Variants in RUSC2 observed in about 807,000 individuals in gnomAD.
RUSC2 encodes the protein AP-4 complex accessory subunit RUSC2.
A neutral mutation model predicts 122.2 loss-of-function variants in RUSC2; 34 were observed. That is an observed-to-expected ratio of 0.28 (90% CI 0.21 to 0.37). The LOEUF is 0.37. RUSC2 is among the 10% of genes least tolerant of loss of function. The pLI is 1.00. For missense variants in RUSC2, 1,747 were observed against 1,952.4 expected, an observed-to-expected ratio of 0.89 and a Z score of 1.98; for synonymous variants, 784 against 790.0, an observed-to-expected ratio of 0.99 and a Z score of 0.13.
Position 35,560,017 on chromosome 9 carries a change from C to CTA in RUSC2, c.3389-11_3389-10insAT. 1 of 1,575,410 alleles carries CTA rather than the reference C, an allele frequency of 6.3e-7. No homozygotes were observed. Among genetic ancestry groups the CTA allele is most frequent in the Middle Eastern group, 1.7e-4 (1 of 5,892 alleles). The stretch of plus-strand genomic sequence containing the variant: ...TCTCTGTGTGGATCAGTCCCTCTCT[C>CTA]TTTTCCCCTAGACATCATCCAGACC... On this transcript the variant is annotated splice_polypyrimidine_tract_variant and intron_variant, in intron 9 of 11. Coordinates refer to ENST00000361226, the MANE Select transcript of RUSC2 (RefSeq NM_014806.5).
intron 1 of RUSC2, among the ~76,000 whole-genome samples, chr9:35,500,146 A>ACTTTATTAGTCTGTTTTTATG (rs1554723555): frequency 2.0e-5 from 3 of 151,758 alleles, no homozygotes; most frequent in Non-Finnish European, 4.4e-5. Flanking sequence ...TTTCTGCCTT[A>ACTTTATTAGTCTGTTTTTATG]CTGTATTAGT....
At position 35,555,403 on chromosome 9, in the gene RUSC2, T is replaced by G; in HGVS notation, c.2358T>G (p.Val786=). Residue 786 remains valine, a synonymous_variant, in exon 3 of 12, where the codon GTT becomes GTG. Coordinates refer to ENST00000361226, the MANE Select transcript of RUSC2 (RefSeq NM_014806.5). The surrounding 1 kb of genome is among the most constrained non-coding windows in gnomAD (Gnocchi z 4.6). ...PLGSYSPIRS[V]GPFGPSTDSS... ...GCAGCTACTCCCCCATCCGGAGTGT[T>G]GGCCCCTTTGGGCCCAGCACTGACT... The G allele has an allele frequency of 6.2e-7, 1 of 1,614,208 alleles. No individual in the cohort carries two copies. Among genetic ancestry groups the G allele is most frequent in the Non-Finnish European group, 8.5e-7 (1 of 1,180,026 alleles).
At chr9:35,536,206 T>A (rs904262806) in intron 1 of RUSC2, among the ~76,000 whole-genome samples, 4 of 152,226 alleles carry the variant, frequency 2.6e-5, no homozygotes, top group Non-Finnish European at 4.4e-5. Flanking sequence ...TTTTTTGTAA[T>A]GATCCTACTT....
chr9:35,490,366 C>T lies in RUSC2; in HGVS notation c.-93+194C>T, dbSNP rs901981438. 5.3e-5 allele frequency among the ~76,000 whole-genome samples: 8 copies of T among 152,116 alleles called. No homozygotes were observed. The South Asian group carries it at 1.7e-3, about 32-fold the overall frequency. On this transcript the variant is annotated intron_variant, in intron 1 of 11. Coordinates refer to ENST00000361226, the MANE Select transcript of RUSC2 (RefSeq NM_014806.5). ...CCCTGGGCAGACCTCGTCCCCAGCCCTTCTGACCCTTGGCCTTCTCCTGAC... is the reference window on the plus strand; with the variant it reads ...CCCTGGGCAGACCTCGTCCCCAGCCTTTCTGACCCTTGGCCTTCTCCTGAC...
intron 1 of RUSC2, among the ~76,000 whole-genome samples, chr9:35,543,287 G>A (rs532166400): frequency 7.2e-5 from 11 of 152,178 alleles, no homozygotes; most frequent in Admixed American, 2.0e-4. Context: ...TTAGCCAGGC[G>A]TGGTGGCACA....
Position 35,555,298 on chromosome 9 carries a change from G to A in RUSC2, c.2253G>A (p.Gln751=). The A allele has an allele frequency of 1.2e-6, 2 of 1,613,866 alleles. No individual in the cohort carries two copies. The highest frequency in any genetic ancestry group is 2.2e-5 in the South Asian group (2 of 91,080). The change falls in exon 3 of 12, where the codon CAG becomes CAA. Residue 751 remains glutamine (Q), a synonymous_variant. Coordinates refer to ENST00000361226, the MANE Select transcript of RUSC2 (RefSeq NM_014806.5). This position sits in a 1 kb window ranked among gnomAD's most constrained non-coding sequence, Gnocchi z 4.6. ...TCCCAGCTCCCTCAGGGGAACCGCAGGCATCCACTCCCCGAGCCACTGGCA... is the reference window on the plus strand; with the variant it reads ...TCCCAGCTCCCTCAGGGGAACCGCAAGCATCCACTCCCCGAGCCACTGGCA... ...VSVPAPSGEP[Q]ASTPRATGRG... is the part of the protein sequence containing the mutation.
In RUSC2 at chr9:35,556,110, G is replaced by A. The variant is rs1449042052; in HGVS notation, c.2815G>A (p.Ala939Thr). The change falls in exon 4 of 12, where the codon GCC becomes ACC. Residue 939 changes from alanine to threonine, a missense_variant. By Grantham distance (58) the Ala-to-Thr change is moderately conservative. Coordinates refer to ENST00000361226, the MANE Select transcript of RUSC2 (RefSeq NM_014806.5). ...IFEFPGSLSA[A>T]SHLNCRLNGQ... ...TGAGTTCCCTGGCTCCCTCAGTGCT[G>A]CCAGCCATCTGAACTGCCGGCTGAA... The A allele has an allele frequency of 6.2e-7, 1 of 1,614,186 alleles. No homozygotes were observed. The highest frequency in any genetic ancestry group is 1.1e-5 in the South Asian group (1 of 91,092).
chr9:35,509,252 C>T (rs907205759), intron 1 of RUSC2, among the ~76,000 whole-genome samples: 8 of 152,102 alleles, frequency 5.3e-5, no homozygotes, highest in Non-Finnish European at 8.8e-5. Context: ...ACTTGAGCCC[C>T]GGAGGCACAC....
chr9:35,531,003 T>C (rs919716498), intron 1 of RUSC2, among the ~76,000 whole-genome samples: 13 of 151,248 alleles, frequency 8.6e-5, no homozygotes, highest in African/African-American at 3.2e-4. Flanking sequence ...CTCATGCCTG[T>C]AATCCCAGCA....
chr9:35,560,567 G>C lies in RUSC2; in HGVS notation c.3927G>C (p.Gly1309=). ...AGAAAAAGAAAGGGGCAGGAGGTGG[G>C]GGACCTCCCCAGGCTCCACCACCCC... ...SSEKKKGAGG[G]GPPQAPPPRE... is the part of the protein sequence containing the mutation. The change falls in exon 10 of 12, where the codon GGG becomes GGC. Residue 1309 remains glycine (G), a synonymous_variant. Coordinates refer to ENST00000361226, the MANE Select transcript of RUSC2 (RefSeq NM_014806.5). 6.2e-7 allele frequency: 1 copy of C among 1,614,114 alleles called. No homozygotes were observed. The highest frequency in any genetic ancestry group is 8.5e-7 in the Non-Finnish European group (1 of 1,179,986).
chr9:35,540,983 G>A (rs1821631809), intron 1 of RUSC2, among the ~76,000 whole-genome samples: 2 of 152,102 alleles, frequency 1.3e-5, no homozygotes, highest in South Asian at 4.2e-4. Flanking sequence ...TACATTTAGA[G>A]ATGATATATA....
At position 35,523,603 on chromosome 9, in the gene RUSC2, C is replaced by G. The variant is rs549421239; in HGVS notation, c.-92-22827C>G. 2.6e-5 allele frequency among the ~76,000 whole-genome samples: 4 copies of G among 151,852 alleles called. No individual in the cohort carries two copies. In the South Asian group the frequency reaches 8.3e-4, roughly 32 times the overall value. ...GGCTGAGGTGGCTGGATCCTTGAGCCCAGGAGTTTGAGACCAGCCTGGGCA... is the reference window on the plus strand; with the variant it reads ...GGCTGAGGTGGCTGGATCCTTGAGCGCAGGAGTTTGAGACCAGCCTGGGCA... On this transcript the variant is annotated intron_variant, in intron 1 of 11. Coordinates refer to ENST00000361226, the MANE Select transcript of RUSC2 (RefSeq NM_014806.5).
At chr9:35,512,226 T>C (rs1830603) in intron 1 of RUSC2, among the ~76,000 whole-genome samples, 26,157 of 152,138 alleles carry the variant, frequency 0.17, 2,411 homozygotes, top group Admixed American at 0.26. Flanking sequence ...GGTATAACTC[T>C]TCTTTTACAA....
At position 35,548,268 on chromosome 9, in the gene RUSC2, C is replaced by CG; in HGVS notation, c.1753dup (p.Ala585GlyfsTer5). 1 of 1,613,946 alleles carries CG rather than the reference C, an allele frequency of 6.2e-7. No individual in the cohort carries two copies. The highest frequency in any genetic ancestry group is 8.5e-7 in the Non-Finnish European group (1 of 1,180,016). On this transcript the variant is annotated frameshift_variant, in exon 2 of 12. Transcript: ENST00000361226. LOFTEE classifies it high-confidence loss of function. This position sits in a 1 kb window ranked among gnomAD's most constrained non-coding sequence, Gnocchi z 4.5. ...ACCCATCCAAGAAGCCCAGCAAGAT[C>CG]GGGGGGCCCCACTGGATGAGGGCAC...
chr9:35,535,149 C>G (rs183714887), intron 1 of RUSC2, among the ~76,000 whole-genome samples: 18 of 151,842 alleles, frequency 1.2e-4, no homozygotes, highest in African/African-American at 4.3e-4. Context: ...GAGTGTCACT[C>G]CTGTTGCTCA....
chr9:35,548,797 A>G lies in RUSC2; in HGVS notation c.2014+262A>G, dbSNP rs908681629. 1.5e-5 allele frequency: 14 copies of G among 946,270 alleles called. No individual in the cohort carries two copies. The African/African-American group carries it at 2.1e-4, about 14-fold the overall frequency. 58.6% of individuals were successfully genotyped at this position (946,270 alleles called of 1,614,324 possible). ...GTGATCCCAGCCCTTTGGGAGGCCAAGCCAGGCGAATCACTTGAGGTCAGG... is the reference window on the plus strand; with the variant it reads ...GTGATCCCAGCCCTTTGGGAGGCCAGGCCAGGCGAATCACTTGAGGTCAGG... On this transcript the variant is annotated intron_variant, in intron 2 of 11. Coordinates refer to ENST00000361226, the MANE Select transcript of RUSC2 (RefSeq NM_014806.5). This position sits in a 1 kb window ranked among gnomAD's most constrained non-coding sequence, Gnocchi z 4.5.
At chr9:35,514,419 C>T (rs1215806839) in intron 1 of RUSC2, among the ~76,000 whole-genome samples, 3 of 152,018 alleles carry the variant, frequency 2.0e-5, no homozygotes, top group African/African-American at 7.2e-5. Context: ...CTAGCATATA[C>T]CTTTAGGGAA....
chr9:35,543,306 G>A (rs1821679593), intron 1 of RUSC2, among the ~76,000 whole-genome samples: 1 of 151,996 alleles, frequency 6.6e-6, no homozygotes, highest in African/African-American at 2.4e-5. Context: ...CACACCTGTG[G>A]TCCTAGCTAC....
chr9:35,558,731 G>A lies in RUSC2; in HGVS notation c.3341+164G>A, dbSNP rs1030970857. Among the ~76,000 whole-genome samples, 3 of 152,172 alleles carry A rather than the reference G, an allele frequency of 2.0e-5. No homozygotes were observed. Among genetic ancestry groups the A allele is most frequent in the African/African-American group, 7.2e-5 (3 of 41,434 alleles). ...CTCAGTAGGTCACTGCCTCCCCACT[G>A]TGCCCATGACTCTGTCACTGGTCAC... On this transcript the variant is annotated intron_variant, in intron 8 of 11. Coordinates refer to ENST00000361226, the MANE Select transcript of RUSC2 (RefSeq NM_014806.5). This position sits in a 1 kb window ranked among gnomAD's most constrained non-coding sequence, Gnocchi z 4.3.
Sources: allele counts gnomAD v4.1 joint callset (sites outside exome capture counted in the v4.1 genomes callset), GRCh38; gene constraint gnomAD v4.1.1; non-coding constraint Gnocchi (gnomAD v3.1); transcripts MANE v1.5; gene names NCBI Gene and HGNC (gene_info 2026-07-23, HGNC 2026-07-21).